Variants in TMEM232 observed in about 807,000 individuals in gnomAD.
The protein encoded by TMEM232 is transmembrane protein 232.
TMEM232 carries 80 observed loss-of-function variants against 78.8 expected under a neutral mutation model. That is an observed-to-expected ratio of 1.01 (90% CI 0.85 to 1.22). TMEM232 has a LOEUF of 1.22. TMEM232 is among the 50% of genes most tolerant of loss of function. The pLI, the probability that TMEM232 is intolerant of heterozygous loss-of-function variation, is 0.00. For missense variants in TMEM232, 881 were observed against 742.2 expected, an observed-to-expected ratio of 1.19 and a Z score of -2.17; for synonymous variants, 297 against 254.3, an observed-to-expected ratio of 1.17 and a Z score of -1.60.
chr5:110,491,826 A>G (rs1765126258), intron 12 of TMEM232, among the ~76,000 whole-genome samples: 1 of 151,978 alleles, frequency 6.6e-6, no homozygotes. Context: ...TAAAGTAAAC[A>G]AATTTGAAAT....
At chr5:110,730,518 A>T (rs1798575712), upstream of TMEM232, among the ~76,000 whole-genome samples, 1 of 152,174 alleles carries the variant, frequency 6.6e-6, no homozygotes, top group East Asian at 1.9e-4. Context: ...ACATACCCAA[A>T]ACTGGGAACA....
chr5:110,538,804 C>G (rs1772731455), intron 11 of TMEM232, among the ~76,000 whole-genome samples: 1 of 150,934 alleles, frequency 6.6e-6, no homozygotes, highest in South Asian at 2.1e-4. Flanking sequence ...CATGGGTACC[C>G]AAATTCAGTT....
intron 1 of TMEM232, among the ~76,000 whole-genome samples, chr5:110,689,316 T>C (rs1561518634): frequency 6.6e-6 from 1 of 152,216 alleles, no homozygotes; most frequent in Admixed American, 6.5e-5. Flanking sequence ...ATACTATTTA[T>C]TGCATACATA....
At chr5:110,461,422 G>A (rs1047762025) in intron 12 of TMEM232, among the ~76,000 whole-genome samples, 2 of 152,108 alleles carry the variant, frequency 1.3e-5, no homozygotes, top group African/African-American at 4.8e-5. Context: ...ATCCAGCAGC[G>A]GTTGGTCCAT....
At chr5:110,511,113 C>T (rs945153331) in intron 12 of TMEM232, among the ~76,000 whole-genome samples, 2 of 152,070 alleles carry the variant, frequency 1.3e-5, no homozygotes, top group Admixed American at 6.6e-5. Flanking sequence ...ACTATGCCGC[C>T]ACAAAAGGGA....
chr5:110,684,721 T>G (rs1212538245), intron 1 of TMEM232: 1 of 152,252 alleles, frequency 6.6e-6, no homozygotes, highest in East Asian at 1.9e-4. Flanking sequence ...TATAGAGAAT[T>G]CTATATTTAT....
Position 110,431,961 on chromosome 5 carries a change from G to C in TMEM232, c.1704-7045C>G, listed in dbSNP as rs141398523. On this transcript the variant is annotated intron_variant, in intron 12 of 13. Coordinates refer to ENST00000455884, the MANE Select transcript of TMEM232 (RefSeq NM_001039763.4). ...AATCAAATATTTACCAATAGTTCAA[G>C]GGATAAATTTTGGTAGCTTTATAAA... Among the ~76,000 whole-genome samples the C allele has an allele frequency of 2.0e-5, 3 of 151,724 alleles. No individual in the cohort carries two copies. The East Asian group carries it at 5.8e-4, about 29-fold the overall frequency.
intron 12 of TMEM232, among the ~76,000 whole-genome samples, chr5:110,494,782 ATAAC>A (rs1202410825): frequency 2.6e-5 from 4 of 152,032 alleles, no homozygotes; most frequent in Non-Finnish European, 5.9e-5. Context: ...ATTTAATACT[ATAAC>A]TATGTATAAC....
intron 10 of TMEM232, among the ~76,000 whole-genome samples, chr5:110,570,364 T>C (rs939704989): frequency 2.0e-5 from 3 of 152,000 alleles, no homozygotes; most frequent in African/African-American, 7.2e-5. Flanking sequence ...CCATTTTCTT[T>C]GTGAATAGTC....
rs1213411512 is a variant in TMEM232, at chr5:110,475,243, C to G, written c.1704-50327G>C. On this transcript the variant is annotated intron_variant, in intron 12 of 13. Coordinates refer to ENST00000455884, the MANE Select transcript of TMEM232 (RefSeq NM_001039763.4). ...TGATCCTGCAGTGCTATGAGGAAAG[C>G]CTGTATTTTTTTTCTGAAAAGGAAA... is the stretch of plus-strand genomic sequence containing the variant. Among the ~76,000 whole-genome samples the G allele has an allele frequency of 7.2e-5, 11 of 151,840 alleles. 1 individual carries two copies. The East Asian group carries it at 2.1e-3, about 29-fold the overall frequency.
At chr5:110,464,057 T>G (rs1417185401) in intron 12 of TMEM232, among the ~76,000 whole-genome samples, 4 of 152,218 alleles carry the variant, frequency 2.6e-5, no homozygotes, top group African/African-American at 9.6e-5. Flanking sequence ...CTGACCATCC[T>G]ATATAAAGAA....
intron 10 of TMEM232, 46 bp downstream of exon 10, chr5:110,605,063 G>A (rs1456423771): frequency 1.4e-6 from 2 of 1,464,434 alleles, no homozygotes; most frequent in African/African-American, 1.4e-5. Flanking sequence ...TGTAGACAGT[G>A]ACACTTAAAA....
intron 12 of TMEM232, among the ~76,000 whole-genome samples, chr5:110,433,889 T>C (rs1758126970): frequency 6.6e-6 from 1 of 152,114 alleles, no homozygotes; most frequent in African/African-American, 2.4e-5. Context: ...GCTAGTATTC[T>C]GCTGAGGATT....
chr5:110,708,205 A>G (rs1796130491), intron 1 of TMEM232, among the ~76,000 whole-genome samples: 1 of 152,198 alleles, frequency 6.6e-6, no homozygotes, highest in Admixed American at 6.5e-5. Context: ...TAGAGCAACA[A>G]GCAGGCTCTT....
intron 8 of TMEM232, among the ~76,000 whole-genome samples, chr5:110,617,457 GAT>G (rs1783085086): frequency 6.6e-6 from 1 of 152,030 alleles, no homozygotes; most frequent in South Asian, 2.1e-4. Flanking sequence ...GATGTGAGGT[GAT>G]GGATATGTTA....
intron 2 of TMEM232, among the ~76,000 whole-genome samples, chr5:110,403,198 A>T (rs1755667494): frequency 6.6e-6 from 1 of 152,016 alleles, no homozygotes; most frequent in African/African-American, 2.4e-5. Flanking sequence ...TCCAGAGAAA[A>T]TTTTTTAGTA....
chr5:110,524,391 GAA>G (rs1561623561), intron 12 of TMEM232, among the ~76,000 whole-genome samples: 1 of 62,632 alleles, frequency 1.6e-5, no homozygotes, highest in Non-Finnish European at 2.9e-5. Flanking sequence ...AAGAAAGAAA[GAA>G]AGAAAGAAAG....
chr5:110,660,187 A>G (rs1561470369), intron 2 of TMEM232, among the ~76,000 whole-genome samples: 1 of 152,110 alleles, frequency 6.6e-6, no homozygotes, highest in East Asian at 1.9e-4. Flanking sequence ...GGGAGAAGGA[A>G]GCCAAAATAA....
intron 12 of TMEM232, among the ~76,000 whole-genome samples, chr5:110,456,835 G>C (rs1244941092): frequency 1.3e-5 from 2 of 152,036 alleles, no homozygotes; most frequent in East Asian, 3.9e-4. Context: ...AAGAAAAAAA[G>C]AGGAACTTTG....
Sources: allele counts gnomAD v4.1 joint callset (sites outside exome capture counted in the v4.1 genomes callset), GRCh38; gene constraint gnomAD v4.1.1; transcripts MANE v1.5; gene names NCBI Gene and HGNC (gene_info 2026-07-23, HGNC 2026-07-21).